The following NEB variants were observed in gnomAD, a reference collection of about 807,000 sequenced individuals.
NEB encodes nebulin, also known as nemaline myopathy type 2.
A neutral mutation model predicts 952.2 loss-of-function variants in NEB; 512 were observed. The observed-to-expected ratio is 0.54, with a 90% CI of 0.50 to 0.58. The LOEUF (loss-of-function observed/expected upper bound fraction) is 0.58, where lower values mean the gene tolerates loss of function less well. Ranked by LOEUF, NEB falls within the 20% of genes least tolerant of loss-of-function variation. The pLI is 0.00. For synonymous variants in NEB, 2,900 were observed against 3,149.8 expected, an observed-to-expected ratio of 0.92 and a Z score of 2.66; for missense variants, 8,428 against 9,231.1, an observed-to-expected ratio of 0.91 and a Z score of 3.56.
chr2:151,503,542 C>T, intron 165 of NEB, 101 bp from the exon 166 acceptor site: 1 of 718,578 alleles, frequency 1.4e-6, no homozygotes, highest in Middle Eastern at 2.7e-4. Context: ...TAAAAACAAT[C>T]TAGCTCTCAA....
chr2:151,559,083 C>T (rs2095853399), intron 124 of NEB, among the ~76,000 whole-genome samples: 1 of 147,124 alleles, frequency 6.8e-6, no homozygotes. Context: ...AGAACTTAAA[C>T]AAATTTACAA....
At position 151,662,189 on chromosome 2, in the gene NEB, G is replaced by A. The variant is rs760841004; in HGVS notation, c.5916C>T (p.Leu1972=). 10 of 1,613,442 alleles carry A rather than the reference G, an allele frequency of 6.2e-6. No individual in the cohort carries two copies. Among genetic ancestry groups the A allele is most frequent in the Non-Finnish European group, 8.5e-6 (10 of 1,179,658 alleles). The part of the protein sequence containing the change: ...QHPDTLKYST[L]MDSMNMVLAQ... The stretch of plus-strand genomic sequence containing the variant: ...CCAAAACCATGTTCATCGAGTCCAT[G>A]AGTGTGGAATACTTCAAAGTGTCTG... The change falls in exon 46 of 182, where the codon CTC becomes CTT. Residue 1972 remains leucine, a synonymous_variant. Coordinates refer to ENST00000397345, the MANE Select transcript of NEB (RefSeq NM_001164508.2).
intron 2 of NEB, 118 bp from the exon 3 acceptor site, chr2:151,733,303 T>C: frequency 1.4e-6 from 1 of 738,444 alleles, no homozygotes; most frequent in Non-Finnish European, 2.2e-6. Flanking sequence ...TCATATATTG[T>C]TGCAGGCTAA....
chr2:151,726,294 T>C (rs900735829), intron 5 of NEB, among the ~76,000 whole-genome samples: 2 of 152,218 alleles, frequency 1.3e-5, no homozygotes, highest in African/African-American at 4.8e-5. Context: ...CAAAAAATTC[T>C]ATCCTTGCTG....
At chr2:151,638,797 T>TTC (rs200433466) in intron 63 of NEB, among the ~76,000 whole-genome samples, 2 of 98,970 alleles carry the variant, frequency 2.0e-5, no homozygotes, top group African/African-American at 8.0e-5. Flanking sequence ...TGACAGATAT[T>TTC]TCTCTCTCTC....
At chr2:151,689,374 T>C (rs537787722) in intron 24 of NEB, 33 of 151,970 alleles carry the variant, frequency 2.2e-4, no homozygotes, top group African/African-American at 8.0e-4. Flanking sequence ...CCAGCTAATT[T>C]TTTTATTTTT....
At chr2:151,639,000 G>C (rs2098812660) in intron 63 of NEB, among the ~76,000 whole-genome samples, 1 of 152,064 alleles carries the variant, frequency 6.6e-6, no homozygotes, top group Non-Finnish European at 1.5e-5. Flanking sequence ...TAGGTCAATT[G>C]CTAATATCCT....
chr2:151,534,516 T>C (rs1036601746), intron 142 of NEB, among the ~76,000 whole-genome samples: 1 of 152,180 alleles, frequency 6.6e-6, no homozygotes. Context: ...GAGTGTGGGA[T>C]AGGTCAGATT....
intron 20 of NEB, 98 bp downstream of exon 20, chr2:151,694,224 AT>A: frequency 9.8e-7 from 1 of 1,019,788 alleles, no homozygotes; most frequent in Non-Finnish European, 1.5e-6. Flanking sequence ...GTCATCTTGA[AT>A]CCAAGATTTC....
chr2:151,656,094 T>C, intron 49 of NEB, 59 bp downstream of exon 49: 1 of 1,581,046 alleles, frequency 6.3e-7, no homozygotes. Flanking sequence ...GTAAACAGAC[T>C]GTGATCTCCC....
At position 151,650,179 on chromosome 2, in the gene NEB, A is replaced by G. The variant is rs1031536508; in HGVS notation, c.7428T>C (p.Ser2476=). The G allele has an allele frequency of 6.2e-7, 1 of 1,613,258 alleles. No homozygotes were observed. The highest frequency in any genetic ancestry group is 2.2e-5 in the East Asian group (1 of 44,860). Reference sequence around the variant, plus strand: ...TTATTTCCAGAGTGCTACTCACATCACTCCTATTTTTGGCATTTGTCTTTG... The same window carrying G: ...TTATTTCCAGAGTGCTACTCACATCGCTCCTATTTTTGGCATTTGTCTTTG... ...VLAKTNAKNR[S]DRLYREAWDK... Residue 2476 remains serine, a synonymous_variant, in exon 54 of 182, where the codon AGT becomes AGC. Coordinates refer to ENST00000397345, the MANE Select transcript of NEB (RefSeq NM_001164508.2).
chr2:151,609,142 T>C (rs559215916), intron 81 of NEB, among the ~76,000 whole-genome samples: 53 of 146,916 alleles, frequency 3.6e-4, no homozygotes, highest in African/African-American at 1.3e-3. Context: ...AGGGATGGAG[T>C]GCAATTGGAG....
intron 48 of NEB, 89 bp from the exon 49 acceptor site, chr2:151,656,553 T>C (rs1483405648): frequency 2.9e-6 from 2 of 685,040 alleles, no homozygotes; most frequent in Middle Eastern, 4.1e-4. Context: ...TTTTGTATAA[T>C]TATAAAATAT....
chr2:151,558,189 A>G (rs2095791751), intron 124 of NEB, among the ~76,000 whole-genome samples: 1 of 152,216 alleles, frequency 6.6e-6, no homozygotes, highest in African/African-American at 2.4e-5. Flanking sequence ...TACAAAATCA[A>G]TGTGCAAAAA....
At chr2:151,537,753 T>C in intron 140 of NEB, 119 bp downstream of exon 140, 1 of 608,334 alleles carries the variant, frequency 1.6e-6, no homozygotes. Context: ...GATTTAAACA[T>C]CCACACACAA....
At chr2:151,723,745 T>TA in intron 8 of NEB, among the ~76,000 whole-genome samples, 1 of 137,352 alleles carries the variant, frequency 7.3e-6, no homozygotes. Context: ...CTACCTGCCT[T>TA]CTTTGTTTTT....
rs2095478897 is a variant in NEB, at chr2:151,553,872, G to A, written c.19582C>T (p.Gln6528Ter). 1.2e-6 allele frequency: 2 copies of A among 1,613,704 alleles called. No homozygotes were observed. The highest frequency in any genetic ancestry group is 8.5e-7 in the Non-Finnish European group (1 of 1,179,682). Residue 6528 changes from glutamine (Q) to a stop codon, truncating the protein, a stop_gained, in exon 126 of 182, where the codon CAA becomes TAA. Coordinates refer to ENST00000397345, the MANE Select transcript of NEB (RefSeq NM_001164508.2). LOFTEE classifies it high-confidence loss of function. ...ACTTTCCTGACGTGATCATTGACTT[G>A]CAAGTCGGGGTGGCAAATCCATTCG... ...LHEWICHPDL[Q>*]VNDHVRKVTD...
chr2:151,609,226 C>G (rs2097834631), intron 81 of NEB, among the ~76,000 whole-genome samples: 1 of 151,734 alleles, frequency 6.6e-6, no homozygotes, highest in Admixed American at 6.6e-5. Context: ...AAAAACATTT[C>G]AAGTGTTAGA....
At chr2:151,613,355 C>T (rs747063282) in intron 77 of NEB, among the ~76,000 whole-genome samples, 2 of 152,146 alleles carry the variant, frequency 1.3e-5, no homozygotes, top group Non-Finnish European at 1.5e-5. Flanking sequence ...TAAATAGACA[C>T]AAAATTATAA....
Sources: allele counts gnomAD v4.1 joint callset (sites outside exome capture counted in the v4.1 genomes callset), GRCh38; gene constraint gnomAD v4.1.1; transcripts MANE v1.5; gene names NCBI Gene and HGNC (gene_info 2026-07-23, HGNC 2026-07-21).